The following ADRA1B variants were observed in gnomAD, a reference collection of about 807,000 sequenced individuals.
ADRA1B encodes the protein alpha-1B adrenergic receptor.
ADRA1B carries 17 observed loss-of-function variants against 17.9 expected under a neutral mutation model. That is an observed-to-expected ratio of 0.95 (90% CI 0.65 to 1.42). The LOEUF (loss-of-function observed/expected upper bound fraction) is 1.42. Among genes scored for constraint, ADRA1B ranks in the 40% most tolerant of loss-of-function variants. The probability of loss-of-function intolerance (pLI) is 0.00; values close to 1 mark genes in which losing one functional copy is unlikely to be tolerated. For synonymous variants in ADRA1B, 366 were observed against 327.6 expected, an observed-to-expected ratio of 1.12 and a Z score of -1.27; for missense variants, 681 against 722.1, an observed-to-expected ratio of 0.94 and a Z score of 0.65.
At chr5:159,970,642 T>C (rs975052362) in intron 1 of ADRA1B, among the ~76,000 whole-genome samples, 2 of 152,200 alleles carry the variant, frequency 1.3e-5, no homozygotes, top group African/African-American at 4.8e-5. Flanking sequence ...TTAGACCAAG[T>C]GCTAGCAGAG....
chr5:159,890,653 G>A (rs530766768), intron 1 of ADRA1B, among the ~76,000 whole-genome samples: 58 of 152,212 alleles, frequency 3.8e-4, no homozygotes, highest in Non-Finnish European at 5.4e-4. Context: ...CCCCGCACAT[G>A]TGCCTGGTCT....
At chr5:159,982,353 T>C in the ADRA1B span, among the ~76,000 whole-genome samples, 572 of 152,308 alleles carry the variant, frequency 3.8e-3, 6 homozygotes, top group African/African-American at 0.013. Context: ...TCAGAGGGCA[T>C]AAAGCCAGGA....
At chr5:159,887,107 C>T (rs1391952881) in intron 1 of ADRA1B, among the ~76,000 whole-genome samples, 1 of 152,184 alleles carries the variant, frequency 6.6e-6, no homozygotes, top group East Asian at 1.9e-4. Context: ...CAAAGAAACT[C>T]TCTGCCTCAA....
At chr5:159,975,873 T>G (rs1054681028), downstream of ADRA1B, among the ~76,000 whole-genome samples, 1 of 152,130 alleles carries the variant, frequency 6.6e-6, no homozygotes, top group Non-Finnish European at 1.5e-5. Flanking sequence ...CTATTTCCTC[T>G]CCAGCCACCC....
chr5:159,982,581 G>A, the ADRA1B span, among the ~76,000 whole-genome samples: 1 of 152,104 alleles, frequency 6.6e-6, no homozygotes, highest in Non-Finnish European at 1.5e-5. Flanking sequence ...TTTCTAGGTG[G>A]CAGAGCCAGG....
At chr5:159,947,304 C>T (rs960604882) in intron 1 of ADRA1B, among the ~76,000 whole-genome samples, 8 of 151,772 alleles carry the variant, frequency 5.3e-5, no homozygotes, top group African/African-American at 1.9e-4. Context: ...ATCGCACCAC[C>T]GCACTCTAGC....
At chr5:159,956,449 A>G (rs1440684594) in intron 1 of ADRA1B, among the ~76,000 whole-genome samples, 1 of 151,720 alleles carries the variant, frequency 6.6e-6, no homozygotes, top group Non-Finnish European at 1.5e-5. Flanking sequence ...CATTCTAAGC[A>G]TTCTTCCCTG....
chr5:159,885,388 G>T (rs1434293116), intron 1 of ADRA1B, among the ~76,000 whole-genome samples: 2 of 152,132 alleles, frequency 1.3e-5, no homozygotes, highest in Non-Finnish European at 2.9e-5. Flanking sequence ...TTGGTCAAAT[G>T]CTGCCTACCA....
At chr5:159,909,766 G>A (rs1299420621) in intron 1 of ADRA1B, among the ~76,000 whole-genome samples, 2 of 152,214 alleles carry the variant, frequency 1.3e-5, no homozygotes, top group Non-Finnish European at 1.5e-5. Flanking sequence ...AAGTGAAAGA[G>A]GTTATGCCTA....
At chr5:159,988,172 A>G in the ADRA1B span, among the ~76,000 whole-genome samples, 1 of 152,188 alleles carries the variant, frequency 6.6e-6, no homozygotes, top group East Asian at 1.9e-4. Flanking sequence ...ACATTTTAAG[A>G]TGCCACACTG....
intron 1 of ADRA1B, among the ~76,000 whole-genome samples, chr5:159,963,053 T>A (rs1379241009): frequency 2.7e-5 from 4 of 149,588 alleles, no homozygotes. Flanking sequence ...CCATGAGCCA[T>A]TGCACCTGGC....
At chr5:159,974,669 T>C (rs1399404567), downstream of ADRA1B, among the ~76,000 whole-genome samples, 1 of 151,780 alleles carries the variant, frequency 6.6e-6, no homozygotes, top group Non-Finnish European at 1.5e-5. Context: ...AAGCCAGAGA[T>C]TCTGTATAAC....
At chr5:159,949,237 G>T (rs1407762138) in intron 1 of ADRA1B, among the ~76,000 whole-genome samples, 2 of 152,124 alleles carry the variant, frequency 1.3e-5, no homozygotes, top group Non-Finnish European at 2.9e-5. Context: ...TCAACATGGG[G>T]TACTACTCAA....
chr5:159,893,027 C>G (rs573930523), intron 1 of ADRA1B, among the ~76,000 whole-genome samples: 1 of 152,294 alleles, frequency 6.6e-6, no homozygotes, highest in Admixed American at 6.5e-5. Context: ...AATAGACATT[C>G]TGACTGGTAT....
chr5:159,941,156 G>A lies in ADRA1B; in HGVS notation c.949+23302G>A, dbSNP rs935675690. On this transcript the variant is annotated intron_variant, in intron 1 of 1. Coordinates refer to ENST00000306675, the MANE Select transcript of ADRA1B (RefSeq NM_000679.4). ...TACAGTAGCCACTGGACACATGAGT[G>A]TAATCATATTTAAATTAATTAAAAT... Among the ~76,000 whole-genome samples the A allele has an allele frequency of 5.9e-5, 9 of 152,300 alleles. No individual in the cohort carries two copies. The East Asian group carries it at 1.3e-3, about 23-fold the overall frequency.
intron 1 of ADRA1B, among the ~76,000 whole-genome samples, chr5:159,879,560 T>C (rs1473481010): frequency 6.6e-6 from 1 of 152,106 alleles, no homozygotes; most frequent in Non-Finnish European, 1.5e-5. Context: ...TCTATCTTCT[T>C]AATTATGGGG....
At chr5:159,928,718 A>G (rs1754724151) in intron 1 of ADRA1B, among the ~76,000 whole-genome samples, 1 of 152,084 alleles carries the variant, frequency 6.6e-6, no homozygotes. Context: ...TGAGCTTAGC[A>G]CCCTGGCCGT....
chr5:159,888,242 A>G (rs1753946164), intron 1 of ADRA1B: 2 of 152,180 alleles, frequency 1.3e-5, no homozygotes, highest in South Asian at 4.1e-4. Flanking sequence ...CACTACTGTC[A>G]TATACCTACT....
chr5:159,964,943 C>T (rs1030129745), intron 1 of ADRA1B, among the ~76,000 whole-genome samples: 2 of 152,118 alleles, frequency 1.3e-5, no homozygotes, highest in African/African-American at 4.8e-5. Context: ...TCACCTCATC[C>T]GTACAGAAAA....
Sources: allele counts gnomAD v4.1 joint callset (sites outside exome capture counted in the v4.1 genomes callset), GRCh38; gene constraint gnomAD v4.1.1; transcripts MANE v1.5; gene names NCBI Gene and HGNC (gene_info 2026-07-23, HGNC 2026-07-21).